The following ACKR2 variants were observed in gnomAD, a reference collection of about 807,000 sequenced individuals.
ACKR2 encodes atypical chemokine receptor 2.
For synonymous variants in ACKR2, 207 were observed against 192.2 expected (o/e 1.08, Z -0.64); for missense variants, 457 against 477.3 (o/e 0.96, Z 0.40).
At chr3:42,838,617 G>T (rs1340186063) in intron 2 of ACKR2, among the ~76,000 whole-genome samples, 2 of 152,198 alleles carry the variant, frequency 1.3e-5, no homozygotes, top group African/African-American at 4.8e-5. Flanking sequence ...AAATGGTATG[G>T]TCACTTTTGG....
At chr3:42,810,159 A>T (rs1459467557) in intron 1 of ACKR2, among the ~76,000 whole-genome samples, 1 of 152,214 alleles carries the variant, frequency 6.6e-6, no homozygotes, top group Non-Finnish European at 1.5e-5. Flanking sequence ...TTAAAAAATA[A>T]CATTTTATTG....
At chr3:42,850,734 G>C (rs1282720063) in intron 2 of ACKR2, among the ~76,000 whole-genome samples, 1 of 152,156 alleles carries the variant, frequency 6.6e-6, no homozygotes, top group African/African-American at 2.4e-5. Flanking sequence ...GGCTCTGGGT[G>C]GTGGGTCAGA....
chr3:42,822,011 A>G (rs1319792997), intron 2 of ACKR2, among the ~76,000 whole-genome samples: 1 of 152,004 alleles, frequency 6.6e-6, no homozygotes, highest in Non-Finnish European at 1.5e-5. Flanking sequence ...ATACTTTTCA[A>G]TCTTCTCTTT....
chr3:42,828,576 T>C (rs1700896750), intron 2 of ACKR2, among the ~76,000 whole-genome samples: 1 of 152,174 alleles, frequency 6.6e-6, no homozygotes, highest in Non-Finnish European at 1.5e-5. Flanking sequence ...CTTATTATTC[T>C]CCTAGTGCCT....
At chr3:42,827,292 T>TA (rs1700878321) in intron 2 of ACKR2, among the ~76,000 whole-genome samples, 1 of 152,230 alleles carries the variant, frequency 6.6e-6, no homozygotes, top group Non-Finnish European at 1.5e-5. Flanking sequence ...CCAAAGGATT[T>TA]CTTGTGTCAA....
intron 2 of ACKR2, chr3:42,856,298 C>G: frequency 1.5e-6 from 1 of 688,278 alleles, no homozygotes. Context: ...CAGATGCCAT[C>G]GGATAGGAGC....
chr3:42,822,595 G>C (rs1700819067), intron 2 of ACKR2, among the ~76,000 whole-genome samples: 1 of 152,132 alleles, frequency 6.6e-6, no homozygotes, highest in East Asian at 1.9e-4. Flanking sequence ...GCTCACACCT[G>C]TAATCCCAGC....
chr3:42,856,563 A>T (rs971146142), intron 2 of ACKR2: 1 of 570,488 alleles, frequency 1.8e-6, no homozygotes, highest in African/African-American at 1.9e-5. Flanking sequence ...CTATTATAAG[A>T]CCTCATAAAA....
intron 2 of ACKR2, among the ~76,000 whole-genome samples, chr3:42,832,588 A>G (rs1182021236): frequency 1.3e-5 from 2 of 152,212 alleles, no homozygotes; most frequent in South Asian, 2.1e-4. Flanking sequence ...CAGTTCATCT[A>G]TCAGATTAGG....
intron 2 of ACKR2, among the ~76,000 whole-genome samples, chr3:42,822,832 AAAAG>A (rs79527955): frequency 2.1e-4 from 32 of 151,442 alleles, no homozygotes; most frequent in South Asian, 1.3e-3. Context: ...AAAAAAAAAA[AAAAG>A]AATAAAACCA....
At chr3:42,829,022 T>G (rs1419058207) in intron 2 of ACKR2, among the ~76,000 whole-genome samples, 1 of 152,168 alleles carries the variant, frequency 6.6e-6, no homozygotes, top group Non-Finnish European at 1.5e-5. Context: ...CATCTGAAAT[T>G]GGACGGAATT....
chr3:42,810,844 T>G (rs970838365), intron 1 of ACKR2, among the ~76,000 whole-genome samples: 30 of 152,234 alleles, frequency 2.0e-4, no homozygotes, highest in African/African-American at 7.2e-4. Context: ...TAAGGGTGAT[T>G]CCTAACACCG....
intron 2 of ACKR2, among the ~76,000 whole-genome samples, chr3:42,825,930 T>G (rs1465037051): frequency 6.6e-6 from 1 of 151,796 alleles, no homozygotes; most frequent in Non-Finnish European, 1.5e-5. Context: ...GAATTTTTTT[T>G]TTTTTTCAAT....
intron 2 of ACKR2, among the ~76,000 whole-genome samples, chr3:42,837,416 C>G (rs575924749): frequency 6.6e-6 from 1 of 152,044 alleles, no homozygotes; most frequent in Non-Finnish European, 1.5e-5. Flanking sequence ...GAGATGGGGT[C>G]TCACTGTGTT....
chr3:42,826,905 G>T (rs1206289348), intron 2 of ACKR2, among the ~76,000 whole-genome samples: 1 of 151,978 alleles, frequency 6.6e-6, no homozygotes, highest in African/African-American at 2.4e-5. Context: ...CCATAAGTTT[G>T]GTACATTTTA....
At position 42,865,433 on chromosome 3, in the gene ACKR2, C is replaced by G. The variant is rs6779520; in HGVS notation, c.931C>G (p.Leu311Val). 1,406 of 1,614,194 alleles carry G rather than the reference C, an allele frequency of 8.7e-4. 8 individuals are homozygous for G. In the African/African-American group the frequency reaches 0.017, roughly 19 times the overall value. ...CCTTCACTGCTGCTTTTCCCCCATC[C>G]TGTATGCCTTCTCCAGTCACCGCTT... Reference protein sequence around the residue: ...AFLHCCFSPILYAFSSHRFRQ... With the variant: ...AFLHCCFSPIVYAFSSHRFRQ... The change falls in exon 3 of 3, where the codon CTG becomes GTG. Residue 311 changes from leucine (L) to valine (V), a missense_variant. By Grantham distance (32) the Leu-to-Val change is conservative (BLOSUM62 1). Transcript: ENST00000422265.
At chr3:42,834,139 G>A (rs1700961376) in intron 2 of ACKR2, among the ~76,000 whole-genome samples, 1 of 152,048 alleles carries the variant, frequency 6.6e-6, no homozygotes, top group African/African-American at 2.4e-5. Context: ...TGTATTTTTA[G>A]TAGAGATGGG....
intron 2 of ACKR2, among the ~76,000 whole-genome samples, chr3:42,821,154 T>G (rs541650965): frequency 1.3e-5 from 2 of 152,046 alleles, no homozygotes; most frequent in African/African-American, 4.8e-5. Flanking sequence ...AAAGTGCTGG[T>G]GCTAAGATTA....
intron 2 of ACKR2, among the ~76,000 whole-genome samples, chr3:42,820,465 C>T (rs1006178167): frequency 1.3e-5 from 2 of 151,650 alleles, no homozygotes; most frequent in Admixed American, 6.6e-5. Flanking sequence ...TGGTGGTGGG[C>T]GCCTGTAGTC....
Sources: allele counts gnomAD v4.1 joint callset (sites outside exome capture counted in the v4.1 genomes callset), GRCh38; gene constraint gnomAD v4.1.1; transcripts MANE v1.5; gene names NCBI Gene and HGNC (gene_info 2026-07-23, HGNC 2026-07-21).